Variants in RBMS3 observed in about 807,000 individuals in gnomAD.
RBMS3 encodes RNA-binding motif, single-stranded-interacting protein 3.
In RBMS3, 27 loss-of-function variants were observed where a neutral mutation model predicts 66.8. That is an observed-to-expected ratio of 0.40 (90% CI 0.30 to 0.56). The LOEUF is 0.56. Ranked by LOEUF, RBMS3 falls within the 20% of genes least tolerant of loss-of-function variation. The pLI, the probability that RBMS3 is intolerant of heterozygous loss-of-function variation, is 0.40. For synonymous variants in RBMS3, 188 were observed against 183.0 expected (o/e 1.03, Z -0.22); for missense variants, 513 against 549.5 (o/e 0.93, Z 0.66).
At chr3:29,836,915 A>G (rs1401112751) in intron 6 of RBMS3, among the ~76,000 whole-genome samples, 1 of 151,982 alleles carries the variant, frequency 6.6e-6, no homozygotes, top group Non-Finnish European at 1.5e-5. Context: ...AGTACAGGAC[A>G]AAAAACTAGC....
chr3:29,367,684 A>G (rs2037983676), intron 1 of RBMS3, among the ~76,000 whole-genome samples: 1 of 152,074 alleles, frequency 6.6e-6, no homozygotes, highest in South Asian at 2.1e-4. Context: ...TGTAGTTTCT[A>G]TTTTTTCCTA....
chr3:29,786,098 CA>C (rs368403371), intron 6 of RBMS3, among the ~76,000 whole-genome samples: 16,488 of 100,564 alleles, frequency 0.16, 1,041 homozygotes, highest in African/African-American at 0.23. Flanking sequence ...ACAATAGCTG[CA>C]AAAAAAAAAA....
intron 12 of RBMS3, among the ~76,000 whole-genome samples, chr3:29,953,755 T>G (rs1037495968): frequency 7.2e-5 from 11 of 151,952 alleles, no homozygotes; most frequent in African/African-American, 2.7e-4. Context: ...TAAGCTCAGC[T>G]GGACCCACAC....
At chr3:29,580,359 C>T (rs1196936811) in intron 3 of RBMS3, among the ~76,000 whole-genome samples, 2 of 152,058 alleles carry the variant, frequency 1.3e-5, no homozygotes, top group African/African-American at 4.8e-5. Flanking sequence ...CTAATTCATA[C>T]ATATATACAT....
intron 2 of RBMS3, among the ~76,000 whole-genome samples, chr3:29,482,701 CTTTTTT>C (rs755520785): frequency 2.6e-5 from 2 of 77,512 alleles, no homozygotes; most frequent in Non-Finnish European, 4.6e-5. Context: ...TTCTTTCTTT[CTTTTTT>C]TTTTTTTTTT....
At chr3:29,731,066 A>G (rs906434834) in intron 4 of RBMS3, 137 of 970,950 alleles carry the variant, frequency 1.4e-4, no homozygotes, top group Non-Finnish European at 1.5e-4. Context: ...TTCACTGCCT[A>G]ACTCAATTGA....
At chr3:29,425,359 G>C (rs1333619237) in intron 1 of RBMS3, among the ~76,000 whole-genome samples, 2 of 151,976 alleles carry the variant, frequency 1.3e-5, no homozygotes, top group Non-Finnish European at 2.9e-5. Context: ...GGGCGACAGA[G>C]TGAGATTCCG....
At chr3:29,855,278 A>G (rs1000347725) in intron 6 of RBMS3, among the ~76,000 whole-genome samples, 3 of 152,228 alleles carry the variant, frequency 2.0e-5, no homozygotes, top group Non-Finnish European at 4.4e-5. Context: ...TATTATCAGT[A>G]AAAAGATCAT....
intron 4 of RBMS3, among the ~76,000 whole-genome samples, chr3:29,716,696 G>A (rs1455131288): frequency 6.6e-6 from 1 of 151,978 alleles, no homozygotes; most frequent in Non-Finnish European, 1.5e-5. Context: ...AGTTGTTTCC[G>A]GTTTTGCTCA....
intron 1 of RBMS3, among the ~76,000 whole-genome samples, chr3:29,292,308 C>T (rs576078700): frequency 1.3e-5 from 2 of 151,760 alleles, no homozygotes; most frequent in African/African-American, 4.8e-5. Context: ...TATGGAGGTG[C>T]AAAGTGGTCC....
intron 6 of RBMS3, among the ~76,000 whole-genome samples, chr3:29,838,407 C>T (rs945771126): frequency 8.6e-5 from 13 of 151,892 alleles, no homozygotes; most frequent in African/African-American, 2.7e-4. Flanking sequence ...TCATTCATAA[C>T]GCTTTGATTA....
intron 8 of RBMS3, among the ~76,000 whole-genome samples, chr3:29,893,691 G>T (rs2060056812): frequency 6.6e-6 from 1 of 151,616 alleles, no homozygotes; most frequent in Admixed American, 6.6e-5. Flanking sequence ...GAAAAGGACT[G>T]TCTTTTTTCT....
intron 3 of RBMS3, among the ~76,000 whole-genome samples, chr3:29,515,589 A>G (rs1228987375): frequency 4.6e-5 from 7 of 152,202 alleles, no homozygotes. Context: ...ATGTGCTAAT[A>G]ATAGAAAGAA....
intron 6 of RBMS3, among the ~76,000 whole-genome samples, chr3:29,767,894 C>T (rs1370658790): frequency 1.3e-5 from 2 of 151,928 alleles, no homozygotes; most frequent in Non-Finnish European, 2.9e-5. Flanking sequence ...TCAATAGTAA[C>T]AGTCTATTAA....
At chr3:29,316,952 G>C (rs551840271) in intron 1 of RBMS3, among the ~76,000 whole-genome samples, 1 of 151,670 alleles carries the variant, frequency 6.6e-6, no homozygotes, top group Non-Finnish European at 1.5e-5. Context: ...TGACATACCA[G>C]CATAAAATTT....
At chr3:29,905,031 G>A (rs751141881) in intron 10 of RBMS3, among the ~76,000 whole-genome samples, 1 of 151,976 alleles carries the variant, frequency 6.6e-6, no homozygotes, top group Non-Finnish European at 1.5e-5. Context: ...GTATTCAAAT[G>A]TATCAGTCTT....
chr3:29,426,710 T>C (rs1333770140), intron 1 of RBMS3, among the ~76,000 whole-genome samples: 1 of 150,074 alleles, frequency 6.7e-6, no homozygotes, highest in East Asian at 2.1e-4. Flanking sequence ...GAATAGTGGC[T>C]TTCATGTTTA....
intron 4 of RBMS3, among the ~76,000 whole-genome samples, chr3:29,657,197 G>A (rs4597673): frequency 0.014 from 2,203 of 152,244 alleles, 40 homozygotes; most frequent in African/African-American, 0.042. Context: ...AGCATAAAGT[G>A]TTTCCAGTCA....
chr3:29,401,713 C>A (rs7432004), intron 1 of RBMS3, among the ~76,000 whole-genome samples: 25,628 of 151,978 alleles, frequency 0.17, 2,737 homozygotes, highest in Non-Finnish European at 0.24. Flanking sequence ...GCCTTCTTTT[C>A]AAATACTGCT....
Sources: allele counts gnomAD v4.1 joint callset (sites outside exome capture counted in the v4.1 genomes callset), GRCh38; gene constraint gnomAD v4.1.1; transcripts MANE v1.5; gene names NCBI Gene and HGNC (gene_info 2026-07-23, HGNC 2026-07-21).